MAP4K4: variants seen among roughly 807,000 people sequenced by gnomAD.
The protein encoded by MAP4K4 is HPK/GCK-like kinase HGK.
MAP4K4 carries 38 observed loss-of-function variants against 189.6 expected under a neutral mutation model. The observed-to-expected ratio is 0.20, with a 90% CI of 0.15 to 0.26. The LOEUF (loss-of-function observed/expected upper bound fraction) is 0.26. Among genes scored for constraint, MAP4K4 ranks in the 10% least tolerant of loss-of-function variants. MAP4K4 has a pLI of 1.00. For synonymous variants in MAP4K4, 610 were observed against 624.3 expected (o/e 0.98, Z 0.34); for missense variants, 1,054 against 1,726.9 (o/e 0.61, Z 6.91).
At chr2:101,886,950 G>A in intron 29 of MAP4K4, 138 bp from the exon 30 acceptor site, 1 of 573,512 alleles carries the variant, frequency 1.7e-6, no homozygotes, top group Admixed American at 3.5e-5. Context: ...GTGCGAACCT[G>A]GGAGGCGGAG....
At chr2:101,762,342 C>G (rs2076852762) in intron 2 of MAP4K4, among the ~76,000 whole-genome samples, 1 of 152,176 alleles carries the variant, frequency 6.6e-6, no homozygotes, top group African/African-American at 2.4e-5. Context: ...AAATCCATGC[C>G]TGGCATAGGT....
chr2:101,787,945 A>T (rs1453279183), intron 2 of MAP4K4, among the ~76,000 whole-genome samples: 1 of 151,926 alleles, frequency 6.6e-6, no homozygotes, highest in Non-Finnish European at 1.5e-5. Context: ...CTGGGATTAC[A>T]GGTGCACGCC....
chr2:101,849,186 A>G (rs1417433303), intron 12 of MAP4K4, among the ~76,000 whole-genome samples: 1 of 152,130 alleles, frequency 6.6e-6, no homozygotes, highest in African/African-American at 2.4e-5. Flanking sequence ...GCAGTGGTGC[A>G]ATCTCAGCTC....
At position 101,720,096 on chromosome 2, in the gene MAP4K4, GA is replaced by G. The variant is rs1031098637; in HGVS notation, c.123+21566del. On this transcript the variant is annotated intron_variant, in intron 2 of 32. Coordinates refer to ENST00000324219, the Ensembl canonical transcript of MAP4K4. ...AAAATGCTGTTGAGAAAGAAACAAG[GA>G]AAAAAAATGTCTGGACAGAGATTTG... 9.5e-4 allele frequency among the ~76,000 whole-genome samples: 143 copies of G among 151,284 alleles called. 1 individual carries two copies. Among genetic ancestry groups the G allele is most frequent in the African/African-American group, 3.3e-3 (136 of 41,326 alleles).
chr2:101,743,146 C>T (rs779113776), intron 2 of MAP4K4, among the ~76,000 whole-genome samples: 4 of 152,132 alleles, frequency 2.6e-5, no homozygotes, highest in Non-Finnish European at 4.4e-5. Context: ...GGTAGGTTAA[C>T]CACATGTTAA....
chr2:101,772,896 C>A (rs1202208404), intron 2 of MAP4K4, among the ~76,000 whole-genome samples: 1 of 152,182 alleles, frequency 6.6e-6, no homozygotes, highest in Non-Finnish European at 1.5e-5. Flanking sequence ...TTCACTGCCT[C>A]CCTGTCTGAA....
chr2:101,745,361 C>T (rs2064874985), intron 2 of MAP4K4, among the ~76,000 whole-genome samples: 1 of 126,916 alleles, frequency 7.9e-6, no homozygotes, highest in African/African-American at 3.1e-5. Context: ...GTCCTCCCTC[C>T]TCCCAAATAA....
rs184780742 is a variant in MAP4K4 at position 101,733,330 on chromosome 2, G to A, written c.123+34792G>A. 5.3e-5 allele frequency among the ~76,000 whole-genome samples: 8 copies of A among 152,362 alleles called. No individual in the cohort carries two copies. The South Asian group carries it at 8.3e-4, about 16-fold the overall frequency. On this transcript the variant is annotated intron_variant, in intron 2 of 32. Transcript: ENST00000324219. ...GGAAAGGATGTCAGGAAGGCACTGA[G>A]CAAAAGGCTGTTACAGCTGACCTTG...
chr2:101,756,733 T>A (rs1253813050), intron 2 of MAP4K4, among the ~76,000 whole-genome samples: 3 of 150,684 alleles, frequency 2.0e-5, no homozygotes, highest in African/African-American at 2.4e-5. Flanking sequence ...TTTTGTATTT[T>A]TTTTTTTTTT....
At chr2:101,891,868 TG>T (rs1350682244) in exon 33 of MAP4K4, 2 of 92,484 alleles carry the variant, frequency 2.2e-5, no homozygotes, top group Non-Finnish European at 4.2e-5. Flanking sequence ...GCTTGGGAGA[TG>T]GGGTGGGGTG....
chr2:101,721,970 TA>T (rs2052429796), intron 2 of MAP4K4, among the ~76,000 whole-genome samples: 4 of 152,164 alleles, frequency 2.6e-5, no homozygotes, highest in Admixed American at 2.6e-4. Context: ...TTGTATTCCC[TA>T]ACTCCTGCTG....
In MAP4K4 at chr2:101,823,909, AT is replaced by A; in HGVS notation, c.181-14del. On this transcript the variant is annotated intron_variant, in intron 3 of 32. Transcript: ENST00000324219. ...ACATCGTTCAGTAGCCACACATTTT[AT>A]TTTTATTTTTTCATAAGGATGAAGA... 6.3e-7 allele frequency: 1 copy of A among 1,582,316 alleles called. No individual in the cohort carries two copies. Among genetic ancestry groups the A allele is most frequent in the Non-Finnish European group, 8.6e-7 (1 of 1,163,668 alleles).
At chr2:101,765,154 C>T (rs570185967) in intron 2 of MAP4K4, among the ~76,000 whole-genome samples, 50 of 151,602 alleles carry the variant, frequency 3.3e-4, no homozygotes, top group Non-Finnish European at 6.2e-4. Context: ...AAGTCAATCC[C>T]ATGGAATCAA....
intron 2 of MAP4K4, among the ~76,000 whole-genome samples, chr2:101,746,965 C>T (rs1477026473): frequency 6.6e-6 from 1 of 152,070 alleles, no homozygotes; most frequent in Admixed American, 6.5e-5. Context: ...AAACATTTTG[C>T]CCTTGTGTCC....
At chr2:101,797,350 CA>C (rs1246113676) in intron 3 of MAP4K4, 3 of 1,290,736 alleles carry the variant, frequency 2.3e-6, no homozygotes, top group Non-Finnish European at 3.0e-6. Flanking sequence ...ATGACTCTGG[CA>C]GACTTACCAC....
chr2:101,891,266 G>T, exon 33 of MAP4K4: 1 of 1,604,086 alleles, frequency 6.2e-7, no homozygotes, highest in Non-Finnish European at 8.5e-7. Flanking sequence ...TGTGATCCAG[G>T]GATTACTGGC....
intron 2 of MAP4K4, among the ~76,000 whole-genome samples, chr2:101,783,797 C>T (rs1013161846): frequency 8.5e-5 from 13 of 152,202 alleles, no homozygotes; most frequent in African/African-American, 2.9e-4. Context: ...TGCAGGTACA[C>T]GTCACACCAC....
intron 21 of MAP4K4, among the ~76,000 whole-genome samples, chr2:101,869,008 G>A (rs2097903137): frequency 6.6e-6 from 1 of 152,040 alleles, no homozygotes; most frequent in South Asian, 2.1e-4. Context: ...AGAGTTTTGG[G>A]AGGGAAGTTA....
intron 12 of MAP4K4, among the ~76,000 whole-genome samples, chr2:101,847,573 A>C (rs1304278334): frequency 6.6e-6 from 1 of 152,234 alleles, no homozygotes; most frequent in Non-Finnish European, 1.5e-5. Context: ...AACATTTTTA[A>C]AGCTAAAACA....
Sources: allele counts gnomAD v4.1 joint callset (sites outside exome capture counted in the v4.1 genomes callset), GRCh38; gene constraint gnomAD v4.1.1; transcripts MANE v1.5; gene names NCBI Gene and HGNC (gene_info 2026-07-23, HGNC 2026-07-21).